The following GNB4 variants were observed in gnomAD, a reference collection of about 807,000 sequenced individuals.
The protein encoded by GNB4 is guanine nucleotide-binding protein subunit beta-4.
A neutral mutation model predicts 45.2 loss-of-function variants in GNB4; 28 were observed. The observed-to-expected ratio is 0.62, with a 90% CI of 0.46 to 0.85. The LOEUF (loss-of-function observed/expected upper bound fraction) is 0.85. Among genes scored for constraint, GNB4 ranks in the 40% least tolerant of loss-of-function variants. GNB4 has a pLI of 0.00. For missense variants in GNB4, 321 were observed against 425.4 expected (o/e 0.75, Z 2.16); for synonymous variants, 132 against 143.7 (o/e 0.92, Z 0.58).
chr3:179,446,198 C>T (rs906043726), intron 1 of GNB4, among the ~76,000 whole-genome samples: 14 of 152,330 alleles, frequency 9.2e-5, no homozygotes, highest in East Asian at 1.9e-4. Flanking sequence ...ACCATCCACA[C>T]GACCTTGGCA....
chr3:179,431,886 G>A (rs1352533543), intron 1 of GNB4, among the ~76,000 whole-genome samples: 1 of 152,140 alleles, frequency 6.6e-6, no homozygotes, highest in Non-Finnish European at 1.5e-5. Flanking sequence ...CTCTCATCCA[G>A]CAAACAATCT....
the GNB4 span, among the ~76,000 whole-genome samples, chr3:179,481,699 A>C: frequency 6.6e-6 from 1 of 152,298 alleles, no homozygotes; most frequent in East Asian, 1.9e-4. Flanking sequence ...TTTAAAAAGA[A>C]TGATTTAATT....
At chr3:179,464,251 G>A in the GNB4 span, 1 of 452,922 alleles carries the variant, frequency 2.2e-6, no homozygotes, top group Non-Finnish European at 4.1e-6. Flanking sequence ...TTGAGGCCAG[G>A]GAATCAAGAG....
chr3:179,523,887 G>A, the GNB4 span, among the ~76,000 whole-genome samples: 1 of 152,156 alleles, frequency 6.6e-6, no homozygotes, highest in African/African-American at 2.4e-5. Context: ...AGATAATTTA[G>A]TTAAAGTGTC....
At chr3:179,482,463 T>G in the GNB4 span, among the ~76,000 whole-genome samples, 1 of 152,206 alleles carries the variant, frequency 6.6e-6, no homozygotes, top group Admixed American at 6.5e-5. Context: ...TTCTAAAAAA[T>G]AGCAATTCTG....
intron 1 of GNB4, among the ~76,000 whole-genome samples, chr3:179,431,096 C>T (rs1475270408): frequency 6.6e-6 from 1 of 152,132 alleles, no homozygotes; most frequent in Non-Finnish European, 1.5e-5. Flanking sequence ...AGTAGATTTT[C>T]AAATTTTCCC....
At chr3:179,503,797 G>C in the GNB4 span, among the ~76,000 whole-genome samples, 1 of 152,174 alleles carries the variant, frequency 6.6e-6, no homozygotes, top group Admixed American at 6.5e-5. Context: ...TGCATTCAAA[G>C]GATTAAATTA....
the GNB4 span, among the ~76,000 whole-genome samples, chr3:179,467,517 C>G: frequency 6.6e-6 from 1 of 152,112 alleles, no homozygotes; most frequent in Non-Finnish European, 1.5e-5. Context: ...ATTACCTGTC[C>G]TGGTACTCAA....
At chr3:179,426,986 A>C (rs892848796) in intron 1 of GNB4, among the ~76,000 whole-genome samples, 1 of 150,898 alleles carries the variant, frequency 6.6e-6, no homozygotes, top group South Asian at 2.1e-4. Context: ...ACACACACAC[A>C]CCCCCCTCTG....
At chr3:179,445,867 G>C (rs1047237594) in intron 1 of GNB4, among the ~76,000 whole-genome samples, 2 of 152,082 alleles carry the variant, frequency 1.3e-5, no homozygotes, top group Non-Finnish European at 2.9e-5. Context: ...CATTTCTTTT[G>C]TAATAACTAC....
the GNB4 span, among the ~76,000 whole-genome samples, chr3:179,469,033 C>A: frequency 6.6e-6 from 1 of 152,118 alleles, no homozygotes; most frequent in Non-Finnish European, 1.5e-5. Context: ...TTAGATAAAC[C>A]CTTTAACCAA....
At chr3:179,465,823 C>CTTTTTT in the GNB4 span, among the ~76,000 whole-genome samples, 1 of 26,922 alleles carries the variant, frequency 3.7e-5, no homozygotes, top group Non-Finnish European at 7.4e-5. Flanking sequence ...TCTTCTTCTT[C>CTTTTTT]TTTTTTTTTT....
chr3:179,462,809 C>T, the GNB4 span, among the ~76,000 whole-genome samples: 3 of 152,070 alleles, frequency 2.0e-5, no homozygotes, highest in Admixed American at 2.0e-4. Flanking sequence ...TGCATTCTAG[C>T]CTGGGTAACA....
Position 179,420,929 on chromosome 3 carries a change from T to C in GNB4, c.58-2A>G. 6.4e-7 allele frequency: 1 copy of C among 1,572,166 alleles called. No homozygotes were observed. On this transcript the variant is annotated splice_acceptor_variant, in intron 2 of 9. Coordinates refer to ENST00000232564, the MANE Select transcript of GNB4 (RefSeq NM_021629.4). LOFTEE classifies it high-confidence loss of function. The stretch of plus-strand genomic sequence containing the variant: ...ATCATTACATGCTTTCCGAGCATCC[T>C]GAAGTAAAAAAATATGATTATAATG...
intron 1 of GNB4, among the ~76,000 whole-genome samples, chr3:179,435,873 T>C (rs1378781480): frequency 6.6e-6 from 1 of 152,136 alleles, no homozygotes; most frequent in East Asian, 1.9e-4. Flanking sequence ...TGGAAAAAAA[T>C]ACACTTGCAT....
chr3:179,436,529 A>G (rs919116069), intron 1 of GNB4, among the ~76,000 whole-genome samples: 4 of 152,332 alleles, frequency 2.6e-5, no homozygotes, highest in African/African-American at 4.8e-5. Context: ...ATACAAATTT[A>G]TATTTCTTAC....
chr3:179,465,064 G>A, the GNB4 span: 1 of 1,487,874 alleles, frequency 6.7e-7, no homozygotes, highest in Non-Finnish European at 9.4e-7. Context: ...AAGAGCAGTT[G>A]AAGAAACATA....
the GNB4 span, among the ~76,000 whole-genome samples, chr3:179,478,822 T>C: frequency 6.6e-6 from 1 of 152,220 alleles, no homozygotes; most frequent in Non-Finnish European, 1.5e-5. Flanking sequence ...TTCTCATGAA[T>C]GGTTTAGCAC....
At chr3:179,525,706 A>C in the GNB4 span, among the ~76,000 whole-genome samples, 1 of 152,192 alleles carries the variant, frequency 6.6e-6, no homozygotes, top group Non-Finnish European at 1.5e-5. Context: ...TCCACGGATA[A>C]AATGTGTCTC....
Sources: gnomAD v4.1 joint callset for allele counts (sites outside exome capture counted in the v4.1 genomes callset) on GRCh38, gnomAD v4.1.1 for gene constraint, MANE v1.5 for transcripts, NCBI Gene and HGNC (gene_info 2026-07-23, HGNC 2026-07-21) for gene names.